The following FAM163A variants were observed in gnomAD, a reference collection of about 807,000 sequenced individuals.
FAM163A encodes the protein protein FAM163A.
In FAM163A, 7 loss-of-function variants were observed where a neutral mutation model predicts 12.0. That is an observed-to-expected ratio of 0.58 (90% CI 0.33 to 1.10). FAM163A has a LOEUF of 1.10. Ranked by LOEUF, FAM163A falls within the 50% of genes least tolerant of loss-of-function variation. FAM163A has a pLI of 0.03. For synonymous variants in FAM163A, 101 were observed against 91.0 expected, an observed-to-expected ratio of 1.11 and a Z score of -0.62; for missense variants, 202 against 218.6, an observed-to-expected ratio of 0.92 and a Z score of 0.48.
rs185246198 is a variant in FAM163A at position 179,770,938 on chromosome 1, T to C, written c.-136+27515T>C. ...GTATTGCAACAAGCAGGTCACAGTATCCTCAAGTCCGCAGATATCCCTGTG... is the reference window on the plus strand; with the variant it reads ...GTATTGCAACAAGCAGGTCACAGTACCCTCAAGTCCGCAGATATCCCTGTG... On this transcript the variant is annotated intron_variant, in intron 1 of 4. Transcript: ENST00000341785. Among the ~76,000 whole-genome samples, 13 of 152,288 alleles carry C rather than the reference T, an allele frequency of 8.5e-5. No individual in the cohort carries two copies. The East Asian group carries it at 2.3e-3, about 27-fold the overall frequency.
Position 179,763,128 on chromosome 1 carries a change from T to C in FAM163A, c.-136+19705T>C, listed in dbSNP as rs780732250. Among the ~76,000 whole-genome samples, 4 of 152,204 alleles carry C rather than the reference T, an allele frequency of 2.6e-5. No homozygotes were observed. The South Asian group carries it at 8.3e-4, about 31-fold the overall frequency. Reference sequence around the variant, plus strand: ...GTGGGGGAGGCCAGTTATGGGGAGATGACCAGGCAAATTATCAGAATAAAG... The same window carrying C: ...GTGGGGGAGGCCAGTTATGGGGAGACGACCAGGCAAATTATCAGAATAAAG... On this transcript the variant is annotated intron_variant, in intron 1 of 4. Transcript: ENST00000341785.
chr1:179,762,192 A>G (rs144252694), intron 1 of FAM163A, among the ~76,000 whole-genome samples: 9 of 152,362 alleles, frequency 5.9e-5, no homozygotes, highest in African/African-American at 1.9e-4. Flanking sequence ...GCAGGGAGAG[A>G]TAATCATGTT....
intron 1 of FAM163A, among the ~76,000 whole-genome samples, chr1:179,751,535 G>A (rs140119506): frequency 4.9e-4 from 74 of 152,278 alleles, no homozygotes; most frequent in African/African-American, 1.8e-3. Context: ...ATTGGTGGAG[G>A]AGAAAATGGA....
chr1:179,741,079 G>A (rs1472592645), upstream of FAM163A, among the ~76,000 whole-genome samples: 1 of 152,168 alleles, frequency 6.6e-6, no homozygotes, highest in Admixed American at 6.5e-5. Context: ...TTTATAAACA[G>A]CTTTTATGAA....
At position 179,796,266 on chromosome 1, in the gene FAM163A, C is replaced by A. The variant is rs143849306; in HGVS notation, c.-135-11532C>A. On this transcript the variant is annotated intron_variant, in intron 1 of 4. Coordinates refer to ENST00000341785, the MANE Select transcript of FAM163A (RefSeq NM_173509.3). ...CTCTGAGAGTTACTGATACTTCCAA[C>A]TGAATTCCTACTTTCTTTGGACAAG... is the stretch of plus-strand genomic sequence containing the variant. Among the ~76,000 whole-genome samples the A allele has an allele frequency of 2.8e-3, 423 of 152,176 alleles. 3 individuals carry two copies. Among genetic ancestry groups the A allele is most frequent in the African/African-American group, 9.8e-3 (405 of 41,504 alleles).
intron 1 of FAM163A, among the ~76,000 whole-genome samples, chr1:179,752,278 A>G (rs1430014396): frequency 1.3e-5 from 2 of 152,192 alleles, no homozygotes; most frequent in Non-Finnish European, 2.9e-5. Flanking sequence ...CCAATCTTAC[A>G]TCATACACAA....
At chr1:179,735,953 G>C in the FAM163A span, among the ~76,000 whole-genome samples, 1 of 152,180 alleles carries the variant, frequency 6.6e-6, no homozygotes, top group Non-Finnish European at 1.5e-5. Context: ...AATAAATGGG[G>C]CTGGGAAAAG....
intron 1 of FAM163A, among the ~76,000 whole-genome samples, chr1:179,778,765 G>A (rs1206355033): frequency 6.6e-6 from 1 of 152,196 alleles, no homozygotes; most frequent in African/African-American, 2.4e-5. Context: ...ATATGTATAA[G>A]GCGTGAGGGG....
chr1:179,805,001 T>A (rs1316561539), intron 1 of FAM163A, among the ~76,000 whole-genome samples: 1 of 152,230 alleles, frequency 6.6e-6, no homozygotes, highest in Non-Finnish European at 1.5e-5. Flanking sequence ...TTTCCATGGA[T>A]CATTTTTCTG....
intron 1 of FAM163A, among the ~76,000 whole-genome samples, chr1:179,752,476 CAAAA>C (rs33926633): frequency 3.4e-4 from 44 of 127,968 alleles, no homozygotes; most frequent in African/African-American, 1.1e-3. Flanking sequence ...TTTGTACAGC[CAAAA>C]AAAAAAAAAA....
intron 1 of FAM163A, among the ~76,000 whole-genome samples, chr1:179,800,737 AG>A (rs1338039374): frequency 6.6e-6 from 1 of 152,214 alleles, no homozygotes; most frequent in South Asian, 2.1e-4. Flanking sequence ...AGGATAAATG[AG>A]GGGAATAACA....
At chr1:179,802,395 C>T (rs1402294918) in intron 1 of FAM163A, among the ~76,000 whole-genome samples, 1 of 152,164 alleles carries the variant, frequency 6.6e-6, no homozygotes, top group Non-Finnish European at 1.5e-5. Context: ...TGTTGCAGTG[C>T]CACATCTGGT....
upstream of FAM163A, chr1:179,743,020 G>A (rs1268503436): frequency 6.6e-6 from 1 of 152,470 alleles, no homozygotes; most frequent in East Asian, 1.9e-4. Flanking sequence ...CCGATCTGTA[G>A]GGCGCAAAGT....
At chr1:179,792,907 G>A (rs913407785) in intron 1 of FAM163A, among the ~76,000 whole-genome samples, 1 of 151,432 alleles carries the variant, frequency 6.6e-6, no homozygotes, top group Non-Finnish European at 1.5e-5. Flanking sequence ...ATAAAATACA[G>A]TGTGACAGGA....
intron 1 of FAM163A, among the ~76,000 whole-genome samples, chr1:179,748,026 G>A (rs971529541): frequency 7.9e-5 from 12 of 152,134 alleles, no homozygotes; most frequent in African/African-American, 2.9e-4. Flanking sequence ...GACACCAGTG[G>A]TGTGGAAGGC....
chr1:179,761,658 CAG>C (rs1166242716), intron 1 of FAM163A, among the ~76,000 whole-genome samples: 1 of 152,176 alleles, frequency 6.6e-6, no homozygotes, highest in African/African-American at 2.4e-5. Flanking sequence ...AGAATAAAGA[CAG>C]GGCCGGCTCA....
At chr1:179,768,874 G>T (rs1687876148) in intron 1 of FAM163A, among the ~76,000 whole-genome samples, 1 of 152,190 alleles carries the variant, frequency 6.6e-6, no homozygotes, top group African/African-American at 2.4e-5. Flanking sequence ...AAAGTGCTGG[G>T]ATTACAGGCG....
At chr1:179,777,020 G>GT in intron 1 of FAM163A, among the ~76,000 whole-genome samples, 1 of 152,318 alleles carries the variant, frequency 6.6e-6, no homozygotes, top group South Asian at 2.1e-4. Context: ...TGTCTTGGAG[G>GT]TTTGTCCATG....
At position 179,743,388 on chromosome 1, in the gene FAM163A, C is replaced by T. The variant is rs1683917329; in HGVS notation, c.-171C>T. The T allele has an allele frequency of 6.6e-6, 1 of 152,254 alleles. No individual in the cohort carries two copies. The highest frequency in any genetic ancestry group is 2.4e-5 in the African/African-American group (1 of 41,450). 9.4% of individuals were successfully genotyped at this position (152,254 alleles called of 1,614,324 possible). On this transcript the variant is annotated 5_prime_UTR_variant, in exon 1 of 5. Transcript: ENST00000341785. ...GCTGCGACCCCGTGGGAGCCGAACG[C>T]GGGAGTCGCTGCCCGAGCGGAGCTG...
Sources: allele counts gnomAD v4.1 joint callset (sites outside exome capture counted in the v4.1 genomes callset), GRCh38; gene constraint gnomAD v4.1.1; transcripts MANE v1.5; gene names NCBI Gene and HGNC (gene_info 2026-07-23, HGNC 2026-07-21).